Variants in MBD2 observed in about 807,000 individuals in gnomAD.
The protein encoded by MBD2 is methyl-CpG-binding domain protein 2.
MBD2 carries 9 observed loss-of-function variants against 39.3 expected under a neutral mutation model. That is an observed-to-expected ratio of 0.23 (90% confidence interval 0.14 to 0.40). The LOEUF is 0.40. MBD2 is among the 10% of genes least tolerant of loss of function. The pLI is 1.00. For synonymous variants in MBD2, 233 were observed against 211.1 expected, an observed-to-expected ratio of 1.10 and a Z score of -0.90; for missense variants, 458 against 532.6, an observed-to-expected ratio of 0.86 and a Z score of 1.38.
chr18:54,158,226 C>T (rs2086068430), intron 6 of MBD2, among the ~76,000 whole-genome samples: 1 of 151,842 alleles, frequency 6.6e-6, no homozygotes, highest in Non-Finnish European at 1.5e-5. Flanking sequence ...GCATTCCAAC[C>T]ACGTGGATAA....
chr18:54,160,049 T>C, intron 5 of MBD2, 146 bp from the exon 6 acceptor site: 2 of 855,756 alleles, frequency 2.3e-6, no homozygotes, highest in Non-Finnish European at 3.5e-6. Context: ...AGGTTGCTTC[T>C]ACACACAAAT....
At chr18:54,160,626 C>T (rs1315839690) in intron 5 of MBD2, among the ~76,000 whole-genome samples, 1 of 142,422 alleles carries the variant, frequency 7.0e-6, no homozygotes, top group Non-Finnish European at 1.5e-5. Context: ...GAAAGGCTAT[C>T]AGTATACACT....
At position 54,176,917 on chromosome 18, in the gene MBD2, C is replaced by A. The variant is rs565918523; in HGVS notation, c.841-10751G>T. The stretch of plus-strand genomic sequence containing the variant: ...GGCTAAACAGGATAGATGAATAAAC[C>A]AAAGGGCAAATTTTAGGGCTGATGA... On this transcript the variant is annotated intron_variant, in intron 3 of 6. Transcript: ENST00000256429. Among the ~76,000 whole-genome samples the A allele has an allele frequency of 3.4e-4, 51 of 152,228 alleles. 1 individual carries two copies. The highest frequency in any genetic ancestry group is 6.8e-3 in the Middle Eastern group (2 of 294).
chr18:54,177,822 C>CCT, intron 3 of MBD2, among the ~76,000 whole-genome samples: 1 of 137,108 alleles, frequency 7.3e-6, no homozygotes, highest in Non-Finnish European at 1.5e-5. Context: ...TTTTTTTTTT[C>CCT]CTCTCTTTTT....
intron 1 of MBD2, among the ~76,000 whole-genome samples, chr18:54,207,535 C>G (rs1417593450): frequency 6.6e-6 from 1 of 152,050 alleles, no homozygotes; most frequent in Non-Finnish European, 1.5e-5. Flanking sequence ...GTTATCAGTT[C>G]AATACTAAAG....
intron 3 of MBD2, among the ~76,000 whole-genome samples, chr18:54,169,330 G>A (rs923735121): frequency 7.3e-5 from 11 of 150,852 alleles, no homozygotes; most frequent in East Asian, 1.9e-4. Context: ...TGCACTAAAC[G>A]TACTCCAATA....
chr18:54,202,894 C>T, intron 2 of MBD2: 1 of 1,164,776 alleles, frequency 8.6e-7, no homozygotes. Flanking sequence ...ACCAGGGAAG[C>T]ATTATGGAGG....
intron 2 of MBD2, among the ~76,000 whole-genome samples, chr18:54,204,275 CAT>C (rs1159330638): frequency 6.6e-6 from 1 of 152,218 alleles, no homozygotes; most frequent in African/African-American, 2.4e-5. Flanking sequence ...AAAATAGTCA[CAT>C]ATGTTTAGTT....
intron 2 of MBD2, among the ~76,000 whole-genome samples, chr18:54,192,017 G>A (rs2086322826): frequency 6.6e-6 from 1 of 152,158 alleles, no homozygotes; most frequent in Non-Finnish European, 1.5e-5. Flanking sequence ...CATTTTAAAT[G>A]CTCTCCTGGT....
At chr18:54,217,899 TA>T (rs2144352452) in intron 1 of MBD2, among the ~76,000 whole-genome samples, 1 of 152,266 alleles carries the variant, frequency 6.6e-6, no homozygotes, top group African/African-American at 2.4e-5. Context: ...TGCTGCACCC[TA>T]ACAAAAATTC....
At chr18:54,205,221 A>G (rs2144331408) in intron 1 of MBD2, 64 bp from the exon 2 acceptor site, 1 of 1,413,644 alleles carries the variant, frequency 7.1e-7, no homozygotes, top group Non-Finnish European at 9.8e-7. Context: ...CCTTTTCTTC[A>G]TGTCTTCCCC....
chr18:54,195,210 T>C (rs546551714), intron 2 of MBD2, among the ~76,000 whole-genome samples: 1 of 152,088 alleles, frequency 6.6e-6, no homozygotes, highest in Non-Finnish European at 1.5e-5. Context: ...ACTTACGCTA[T>C]ACTATATTGT....
intron 6 of MBD2, among the ~76,000 whole-genome samples, chr18:54,155,888 A>G (rs745817027): frequency 2.0e-5 from 3 of 152,148 alleles, no homozygotes; most frequent in Non-Finnish European, 4.4e-5. Flanking sequence ...TTGTTTTTAC[A>G]GTCATCATCT....
chr18:54,213,227 A>G (rs908246507), intron 1 of MBD2, among the ~76,000 whole-genome samples: 12 of 152,328 alleles, frequency 7.9e-5, no homozygotes, highest in Non-Finnish European at 1.5e-4. Flanking sequence ...CGGGAGGTAC[A>G]GCAGGAGACG....
At chr18:54,218,353 C>T (rs1272416485) in intron 1 of MBD2, among the ~76,000 whole-genome samples, 2 of 152,182 alleles carry the variant, frequency 1.3e-5, no homozygotes, top group South Asian at 2.1e-4. Context: ...AGCTTCACTA[C>T]CAAATAGGAT....
chr18:54,197,693 GA>G (rs1568087928), intron 2 of MBD2, among the ~76,000 whole-genome samples: 1 of 152,134 alleles, frequency 6.6e-6, no homozygotes, highest in East Asian at 1.9e-4. Context: ...ATTTTCAAGA[GA>G]TTTAGAATCT....
chr18:54,156,102 A>C (rs1380078633), intron 6 of MBD2, among the ~76,000 whole-genome samples: 1 of 152,194 alleles, frequency 6.6e-6, no homozygotes, highest in East Asian at 1.9e-4. Flanking sequence ...GCCACATCTC[A>C]CCCTTTGCCC....
intron 2 of MBD2, among the ~76,000 whole-genome samples, chr18:54,189,223 C>CTTTT (rs369129707): frequency 1.5e-5 from 2 of 133,938 alleles, no homozygotes; most frequent in Non-Finnish European, 3.2e-5. Flanking sequence ...TTTTTGTATA[C>CTTTT]TTTTTTTTTT....
intron 1 of MBD2, among the ~76,000 whole-genome samples, chr18:54,221,364 A>AGGAGAAT (rs1396691788): frequency 6.6e-6 from 1 of 151,918 alleles, no homozygotes; most frequent in Non-Finnish European, 1.5e-5. Context: ...AGGCTGAGGC[A>AGGAGAAT]GGAGAATGGC....
Sources: allele counts gnomAD v4.1 joint callset (sites outside exome capture counted in the v4.1 genomes callset), GRCh38; gene constraint gnomAD v4.1.1; transcripts MANE v1.5; gene names NCBI Gene and HGNC (gene_info 2026-07-23, HGNC 2026-07-21).